SLC35F1: variants seen among roughly 807,000 people sequenced by gnomAD.
SLC35F1 encodes chromosome 6 open reading frame 169.
In SLC35F1, 14 loss-of-function variants were observed where a neutral mutation model predicts 48.7. The observed-to-expected ratio is 0.29, with a 90% CI of 0.19 to 0.45. SLC35F1 has a LOEUF of 0.45. Among genes scored for constraint, SLC35F1 ranks in the 20% least tolerant of loss-of-function variants. The probability of loss-of-function intolerance (pLI) is 1.00; values close to 1 mark genes in which losing one functional copy is unlikely to be tolerated. For synonymous variants in SLC35F1, 190 were observed against 202.2 expected (o/e 0.94, Z 0.51); for missense variants, 404 against 500.0 (o/e 0.81, Z 1.83).
chr6:117,980,989 C>A (rs186929230), intron 1 of SLC35F1, among the ~76,000 whole-genome samples: 1 of 152,040 alleles, frequency 6.6e-6, no homozygotes, highest in African/African-American at 2.4e-5. Flanking sequence ...TGTAGGAATA[C>A]CAGTTAGTGG....
chr6:117,966,391 C>A (rs1434910353), intron 1 of SLC35F1, among the ~76,000 whole-genome samples: 1 of 151,440 alleles, frequency 6.6e-6, no homozygotes, highest in African/African-American at 2.4e-5. Context: ...TAACACTCGC[C>A]GCGAAGATCT....
intron 1 of SLC35F1, among the ~76,000 whole-genome samples, chr6:118,033,051 G>T (rs1772076920): frequency 6.6e-6 from 1 of 151,730 alleles, no homozygotes; most frequent in Non-Finnish European, 1.5e-5. Context: ...GATTATTTTG[G>T]CCACCATATT....
At chr6:118,163,518 C>A (rs1284573738) in intron 2 of SLC35F1, among the ~76,000 whole-genome samples, 1 of 152,034 alleles carries the variant, frequency 6.6e-6, no homozygotes, top group Non-Finnish European at 1.5e-5. Flanking sequence ...CTTCCTGATT[C>A]TTTTATTTTA....
chr6:118,133,549 T>A (rs1281435525), intron 1 of SLC35F1, among the ~76,000 whole-genome samples: 1 of 152,202 alleles, frequency 6.6e-6, no homozygotes, highest in Non-Finnish European at 1.5e-5. Context: ...AAGAAATATT[T>A]CAGTGTGCAG....
chr6:118,090,837 G>T (rs187090230), intron 1 of SLC35F1, among the ~76,000 whole-genome samples: 1 of 152,120 alleles, frequency 6.6e-6, no homozygotes, highest in Non-Finnish European at 1.5e-5. Flanking sequence ...ATGGACAATG[G>T]GGGGGCATAA....
At chr6:118,160,216 C>A (rs1249685767) in intron 2 of SLC35F1, among the ~76,000 whole-genome samples, 3 of 152,148 alleles carry the variant, frequency 2.0e-5, no homozygotes, top group African/African-American at 7.2e-5. Flanking sequence ...ATGTTGCCAT[C>A]ATTGAGTGTT....
At chr6:118,076,786 C>G (rs531615668) in intron 1 of SLC35F1, among the ~76,000 whole-genome samples, 8 of 152,298 alleles carry the variant, frequency 5.3e-5, no homozygotes, top group Non-Finnish European at 8.8e-5. Flanking sequence ...CTGAATGATT[C>G]CATACAATTA....
intron 2 of SLC35F1, among the ~76,000 whole-genome samples, chr6:118,182,895 G>T (rs778562662): frequency 3.1e-4 from 47 of 152,170 alleles, no homozygotes; most frequent in Admixed American, 1.7e-3. Flanking sequence ...CACCTTGATG[G>T]TATGTTTTCA....
At chr6:118,029,760 A>T (rs965894819) in intron 1 of SLC35F1, among the ~76,000 whole-genome samples, 6 of 152,184 alleles carry the variant, frequency 3.9e-5, no homozygotes, top group African/African-American at 1.4e-4. Flanking sequence ...GAAGTTAAAA[A>T]CATTTCTTTA....
intron 1 of SLC35F1, among the ~76,000 whole-genome samples, chr6:117,944,622 C>CACACAG (rs1173628313): frequency 2.0e-5 from 3 of 151,212 alleles, no homozygotes; most frequent in Admixed American, 2.0e-4. Flanking sequence ...CACACACACA[C>CACACAG]AGAATATATT....
At chr6:118,011,164 A>T (rs1777241178) in intron 1 of SLC35F1, among the ~76,000 whole-genome samples, 1 of 152,154 alleles carries the variant, frequency 6.6e-6, no homozygotes, top group Non-Finnish European at 1.5e-5. Flanking sequence ...GTTCCACCTT[A>T]GATCATCAGA....
At chr6:118,005,113 G>A (rs756908409) in intron 1 of SLC35F1, among the ~76,000 whole-genome samples, 1 of 152,208 alleles carries the variant, frequency 6.6e-6, no homozygotes, top group East Asian at 1.9e-4. Flanking sequence ...ACAATGTGAT[G>A]TATAGCTAGA....
chr6:118,032,984 T>C (rs1772076187), intron 1 of SLC35F1, among the ~76,000 whole-genome samples: 3 of 152,192 alleles, frequency 2.0e-5, no homozygotes, highest in African/African-American at 7.2e-5. Flanking sequence ...TGATGTGCCA[T>C]TAATCTTGCA....
chr6:118,126,160 T>C (rs895034231), intron 1 of SLC35F1, among the ~76,000 whole-genome samples: 34 of 152,324 alleles, frequency 2.2e-4, no homozygotes, highest in Admixed American at 2.0e-3. Flanking sequence ...CTGCTGACTT[T>C]CCTGGACCTA....
intron 1 of SLC35F1, among the ~76,000 whole-genome samples, chr6:117,964,222 C>T (rs1285186165): frequency 1.3e-5 from 2 of 152,218 alleles, no homozygotes; most frequent in Non-Finnish European, 2.9e-5. Flanking sequence ...TCCAGTCTAT[C>T]ATTGATGTTG....
chr6:118,033,950 G>A (rs1482738064), intron 1 of SLC35F1, among the ~76,000 whole-genome samples: 3 of 152,068 alleles, frequency 2.0e-5, no homozygotes, highest in African/African-American at 4.8e-5. Flanking sequence ...ACTCTCTTAC[G>A]TATTTATTGA....
intron 1 of SLC35F1, among the ~76,000 whole-genome samples, chr6:118,102,824 G>A (rs1773277526): frequency 6.6e-6 from 1 of 152,220 alleles, no homozygotes; most frequent in South Asian, 2.1e-4. Flanking sequence ...AATCCTGAAG[G>A]AAAGCTGTAA....
chr6:117,955,378 C>T (rs1776415447), intron 1 of SLC35F1, among the ~76,000 whole-genome samples: 1 of 152,166 alleles, frequency 6.6e-6, no homozygotes, highest in African/African-American at 2.4e-5. Context: ...CGTGGTCTGA[C>T]AAGTGGTCTT....
chr6:118,211,620 C>T (rs956441423), intron 2 of SLC35F1, among the ~76,000 whole-genome samples: 1 of 152,188 alleles, frequency 6.6e-6, no homozygotes, highest in South Asian at 2.1e-4. Flanking sequence ...TATGGACATA[C>T]CCTTGAGGAG....
Sources: gnomAD v4.1 joint callset for allele counts (sites outside exome capture counted in the v4.1 genomes callset) on GRCh38, gnomAD v4.1.1 for gene constraint, MANE v1.5 for transcripts, NCBI Gene and HGNC (gene_info 2026-07-23, HGNC 2026-07-21) for gene names.